The following LINGO2 variants were observed in gnomAD, a reference collection of about 807,000 sequenced individuals.
The protein encoded by LINGO2 is leucine-rich repeat and immunoglobulin-like domain-containing nogo receptor-interacting protein 2.
A neutral mutation model predicts 30.6 loss-of-function variants in LINGO2; 14 were observed. That is an observed-to-expected ratio of 0.46 (90% CI 0.30 to 0.72). LINGO2 has a LOEUF of 0.72. LINGO2 is among the 30% of genes least tolerant of loss of function. The pLI is 0.07. For missense variants in LINGO2, 729 were observed against 751.7 expected (o/e 0.97, Z 0.35); for synonymous variants, 317 against 288.5 (o/e 1.10, Z -1.00).
At chr9:28,159,788 C>G (rs775118257) in intron 4 of LINGO2, among the ~76,000 whole-genome samples, 1 of 152,110 alleles carries the variant, frequency 6.6e-6, no homozygotes, top group Non-Finnish European at 1.5e-5. Flanking sequence ...TAACTATAAA[C>G]GATAAACATT....
chr9:28,025,586 C>G (rs1010830410), intron 4 of LINGO2, among the ~76,000 whole-genome samples: 1 of 151,980 alleles, frequency 6.6e-6, no homozygotes, highest in Non-Finnish European at 1.5e-5. Flanking sequence ...TGGTTTTTCT[C>G]AAAAGGAGTC....
the LINGO2 span, among the ~76,000 whole-genome samples, chr9:28,917,770 C>T: frequency 6.6e-6 from 1 of 151,984 alleles, no homozygotes; most frequent in African/African-American, 2.4e-5. Context: ...AAAGCTTGCT[C>T]ATTAAATTTT....
chr9:28,876,312 CA>C, the LINGO2 span, among the ~76,000 whole-genome samples: 1 of 151,824 alleles, frequency 6.6e-6, no homozygotes, highest in African/African-American at 2.4e-5. Context: ...AGGTTAGTTA[CA>C]TATGTATACA....
intron 4 of LINGO2, among the ~76,000 whole-genome samples, chr9:28,017,935 A>G (rs1822922056): frequency 6.6e-6 from 1 of 152,202 alleles, no homozygotes; most frequent in African/African-American, 2.4e-5. Flanking sequence ...TGGAGGCATC[A>G]CACGACCTGA....
the LINGO2 span, among the ~76,000 whole-genome samples, chr9:28,684,914 GATT>G: frequency 3.3e-5 from 5 of 152,028 alleles, no homozygotes; most frequent in African/African-American, 1.2e-4. Context: ...TTGATGTACA[GATT>G]ATTTCGTCAC....
At chr9:28,626,196 C>T (rs991902266) in intron 1 of LINGO2, among the ~76,000 whole-genome samples, 5 of 152,028 alleles carry the variant, frequency 3.3e-5, no homozygotes, top group African/African-American at 1.2e-4. Flanking sequence ...TTTTCATGTG[C>T]TTGTTAGCCA....
the LINGO2 span, among the ~76,000 whole-genome samples, chr9:29,071,482 CATATATATATATATATATATATAT>C: frequency 1.4e-4 from 17 of 120,878 alleles, no homozygotes; most frequent in African/African-American, 5.9e-4. Flanking sequence ...ATTAACTGGT[CATATATATATATATATATATATAT>C]ATATATATAT....
the LINGO2 span, among the ~76,000 whole-genome samples, chr9:28,788,699 A>G: frequency 6.6e-6 from 1 of 152,182 alleles, no homozygotes; most frequent in African/African-American, 2.4e-5. Flanking sequence ...TGCTCAGTGA[A>G]GGTGGAAGAG....
chr9:28,888,765 C>T, the LINGO2 span: 119 of 448,570 alleles, frequency 2.7e-4, 2 homozygotes, highest in African/African-American at 2.1e-3. Context: ...TTCAACATTA[C>T]TTCCTTGTTT....
chr9:28,189,266 AG>A (rs1564028595), intron 4 of LINGO2, among the ~76,000 whole-genome samples: 5,254 of 68,900 alleles, frequency 0.076, 478 homozygotes, highest in African/African-American at 0.12. Context: ...GAAGGAAGGG[AG>A]GGAGGAAGGG....
At chr9:28,093,315 C>T (rs1826151689) in intron 4 of LINGO2, among the ~76,000 whole-genome samples, 1 of 152,078 alleles carries the variant, frequency 6.6e-6, no homozygotes, top group Non-Finnish European at 1.5e-5. Flanking sequence ...TTACCAAGAG[C>T]ATTAGTGGCA....
At chr9:28,774,041 T>TAC in the LINGO2 span, among the ~76,000 whole-genome samples, 1,844 of 146,864 alleles carry the variant, frequency 0.013, 23 homozygotes, top group Non-Finnish European at 0.019. Flanking sequence ...TTCTTTTTGA[T>TAC]ACACACACAC....
At chr9:28,468,111 T>C (rs1825382705) in intron 2 of LINGO2, among the ~76,000 whole-genome samples, 1 of 152,298 alleles carries the variant, frequency 6.6e-6, no homozygotes, top group African/African-American at 2.4e-5. Context: ...TATAATTTAA[T>C]AGTATATCTG....
At chr9:28,689,595 T>C in the LINGO2 span, among the ~76,000 whole-genome samples, 1 of 152,128 alleles carries the variant, frequency 6.6e-6, no homozygotes, top group East Asian at 1.9e-4. Flanking sequence ...AGGAACACTT[T>C]TACACTGTTA....
At chr9:29,063,592 G>T in the LINGO2 span, among the ~76,000 whole-genome samples, 1 of 151,754 alleles carries the variant, frequency 6.6e-6, no homozygotes, top group Non-Finnish European at 1.5e-5. Flanking sequence ...AGAGATGGGG[G>T]TTTCACCATA....
the LINGO2 span, among the ~76,000 whole-genome samples, chr9:29,104,887 T>C: frequency 1.3e-5 from 2 of 152,164 alleles, no homozygotes; most frequent in Non-Finnish European, 2.9e-5. Flanking sequence ...ATCTAAACTT[T>C]ATGTAAGAAA....
the LINGO2 span, among the ~76,000 whole-genome samples, chr9:29,177,927 G>C: frequency 1.3e-4 from 20 of 151,670 alleles, no homozygotes; most frequent in Non-Finnish European, 2.2e-4. Context: ...TTTCTAAACA[G>C]TTTACAAGTA....
At chr9:28,882,139 T>C in the LINGO2 span, among the ~76,000 whole-genome samples, 2 of 152,236 alleles carry the variant, frequency 1.3e-5, no homozygotes, top group Non-Finnish European at 2.9e-5. Flanking sequence ...CAAAATTGCC[T>C]GTTGCTTCTA....
the LINGO2 span, among the ~76,000 whole-genome samples, chr9:29,026,803 G>C: frequency 6.6e-6 from 1 of 151,996 alleles, no homozygotes; most frequent in Non-Finnish European, 1.5e-5. Context: ...CAACATAGCT[G>C]TTACAGGTAT....
Sources: gnomAD v4.1 joint callset for allele counts (sites outside exome capture counted in the v4.1 genomes callset) on GRCh38, gnomAD v4.1.1 for gene constraint, MANE v1.5 for transcripts, NCBI Gene and HGNC (gene_info 2026-07-23, HGNC 2026-07-21) for gene names.